Variants in DPP6 observed in about 807,000 individuals in gnomAD.
DPP6 encodes dipeptidyl peptidase like 6.
In DPP6, 69 loss-of-function variants were observed where a neutral mutation model predicts 122.6. That is an observed-to-expected ratio of 0.56 (90% CI 0.46 to 0.69). The LOEUF (loss-of-function observed/expected upper bound fraction) is 0.69. DPP6 is among the 30% of genes least tolerant of loss of function. DPP6 has a pLI of 0.00. For synonymous variants in DPP6, 418 were observed against 433.1 expected (o/e 0.97, Z 0.43); for missense variants, 928 against 1,116.9 (o/e 0.83, Z 2.41).
At chr7:154,451,833 G>A (rs1820405594) in intron 2 of DPP6, among the ~76,000 whole-genome samples, 1 of 152,220 alleles carries the variant, frequency 6.6e-6, no homozygotes, top group African/African-American at 2.4e-5. Flanking sequence ...TTTCATGGGT[G>A]CTGTTTGTTT....
chr7:154,497,873 C>T (rs1824888371), intron 3 of DPP6, among the ~76,000 whole-genome samples: 1 of 152,208 alleles, frequency 6.6e-6, no homozygotes, highest in East Asian at 1.9e-4. Context: ...TACAGCATCC[C>T]TGACAACTGG....
At chr7:154,327,298 A>G (rs367863568) in intron 1 of DPP6, among the ~76,000 whole-genome samples, 1 of 152,122 alleles carries the variant, frequency 6.6e-6, no homozygotes, top group African/African-American at 2.4e-5. Flanking sequence ...GTATATCCCA[A>G]TTTGCTTAGG....
chr7:154,517,973 A>T (rs1453186854), intron 3 of DPP6, among the ~76,000 whole-genome samples: 3 of 152,192 alleles, frequency 2.0e-5, no homozygotes, highest in Non-Finnish European at 4.4e-5. Flanking sequence ...GATAGCTATA[A>T]ATTGAGCTGA....
chr7:154,593,069 C>G (rs950437672), intron 5 of DPP6, among the ~76,000 whole-genome samples: 8 of 152,192 alleles, frequency 5.3e-5, no homozygotes, highest in African/African-American at 1.4e-4. Context: ...CACAGGCCAT[C>G]AGCTTCCCAG....
chr7:153,819,048 C>A, the DPP6 span, among the ~76,000 whole-genome samples: 246 of 64,372 alleles, frequency 3.8e-3, 1 homozygote, highest in Middle Eastern at 7.6e-3. Flanking sequence ...CCGCGCCTGG[C>A]CTTTTTTTTT....
At chr7:154,117,812 A>G (rs1440380922) in intron 1 of DPP6, among the ~76,000 whole-genome samples, 1 of 151,706 alleles carries the variant, frequency 6.6e-6, no homozygotes, top group Admixed American at 6.6e-5. Context: ...GGTAGCAGAG[A>G]CACATACCGT....
intron 1 of DPP6, among the ~76,000 whole-genome samples, chr7:154,147,589 C>T (rs1028143279): frequency 6.6e-6 from 1 of 152,028 alleles, no homozygotes; most frequent in Non-Finnish European, 1.5e-5. Flanking sequence ...AAGTGATTCT[C>T]CTGCCTCAGC....
chr7:154,664,624 T>C (rs530145369), intron 6 of DPP6, among the ~76,000 whole-genome samples: 2 of 152,014 alleles, frequency 1.3e-5, no homozygotes, highest in East Asian at 3.9e-4. Context: ...AGGCACATAA[T>C]GAGGGCCTGT....
chr7:153,863,609 A>C, the DPP6 span, among the ~76,000 whole-genome samples: 1 of 152,164 alleles, frequency 6.6e-6, no homozygotes, highest in Non-Finnish European at 1.5e-5. Context: ...ACGACGTGGA[A>C]ATCAATGATT....
At chr7:154,226,084 C>T (rs1171215458) in intron 1 of DPP6, among the ~76,000 whole-genome samples, 1 of 152,106 alleles carries the variant, frequency 6.6e-6, no homozygotes, top group Non-Finnish European at 1.5e-5. Flanking sequence ...GATGCTGAAC[C>T]TTGAGACTCA....
intron 16 of DPP6, among the ~76,000 whole-genome samples, chr7:154,808,430 G>A (rs771200894): frequency 2.0e-5 from 3 of 152,096 alleles, no homozygotes; most frequent in Admixed American, 6.6e-5. Context: ...CCCAGTCCCC[G>A]CAACGTTAAT....
intron 1 of DPP6, among the ~76,000 whole-genome samples, chr7:154,375,322 G>T (rs900141503): frequency 6.6e-6 from 1 of 152,126 alleles, no homozygotes; most frequent in African/African-American, 2.4e-5. Context: ...CCACAATGGC[G>T]AGGGGATGTT....
At chr7:154,327,676 C>T (rs1277780943) in intron 1 of DPP6, among the ~76,000 whole-genome samples, 2 of 152,166 alleles carry the variant, frequency 1.3e-5, no homozygotes, top group African/African-American at 4.8e-5. Context: ...ATTTCCTATA[C>T]TAACCCCCAC....
chr7:154,183,697 G>A (rs1478366654), intron 1 of DPP6, among the ~76,000 whole-genome samples: 1 of 152,186 alleles, frequency 6.6e-6, no homozygotes, highest in South Asian at 2.1e-4. Flanking sequence ...ACAGCCTCAT[G>A]GAGAGAACGA....
At chr7:153,778,037 C>T in the DPP6 span, among the ~76,000 whole-genome samples, 2 of 148,200 alleles carry the variant, frequency 1.3e-5, no homozygotes, top group Non-Finnish European at 2.9e-5. Context: ...ATTACTTTGA[C>T]TTGATACTAT....
At chr7:154,423,141 A>G (rs994094521) in intron 1 of DPP6, among the ~76,000 whole-genome samples, 1 of 152,246 alleles carries the variant, frequency 6.6e-6, no homozygotes, top group Admixed American at 6.5e-5. Context: ...ACAGATTTTA[A>G]TCAGCAACAA....
intron 1 of DPP6, among the ~76,000 whole-genome samples, chr7:154,087,764 G>T (rs1420452211): frequency 6.6e-6 from 1 of 152,158 alleles, no homozygotes; most frequent in Non-Finnish European, 1.5e-5. Context: ...TAAACATGGG[G>T]TGGTACTCAA....
intron 1 of DPP6, among the ~76,000 whole-genome samples, chr7:153,903,551 G>A (rs1286388730): frequency 2.0e-5 from 3 of 152,174 alleles, no homozygotes; most frequent in African/African-American, 7.2e-5. Flanking sequence ...TGTGTCATCT[G>A]AAGAGAAGAG....
chr7:154,608,808 G>A (rs13225234), intron 5 of DPP6, among the ~76,000 whole-genome samples: 61,395 of 151,780 alleles, frequency 0.4, 13,419 homozygotes, highest in East Asian at 0.65. Flanking sequence ...ATTGCTAATC[G>A]TTGACAACTA....
Sources: allele counts gnomAD v4.1 joint callset (sites outside exome capture counted in the v4.1 genomes callset), GRCh38; gene constraint gnomAD v4.1.1; transcripts MANE v1.5; gene names NCBI Gene and HGNC (gene_info 2026-07-23, HGNC 2026-07-21).